HERC4: variants seen among roughly 807,000 people sequenced by gnomAD.
HERC4 encodes the protein HECT and RLD domain containing E3 ubiquitin protein ligase 4, also known as probable E3 ubiquitin-protein ligase HERC4.
In HERC4, 28 loss-of-function variants were observed where a neutral mutation model predicts 124.3. That is an observed-to-expected ratio of 0.23 (90% CI 0.17 to 0.31). HERC4 has a LOEUF of 0.31. HERC4 is among the 10% of genes least tolerant of loss of function. The pLI is 1.00. For synonymous variants in HERC4, 407 were observed against 421.5 expected (o/e 0.97, Z 0.42); for missense variants, 713 against 1,229.3 (o/e 0.58, Z 6.28).
At chr10:67,956,417 AC>A (rs1278170208) in intron 17 of HERC4, 1 of 152,570 alleles carries the variant, frequency 6.6e-6, no homozygotes, top group Non-Finnish European at 1.5e-5. Context: ...CATGTTTAAT[AC>A]CTTATTATTG....
At chr10:67,943,102 T>C (rs1254337467) in intron 19 of HERC4, among the ~76,000 whole-genome samples, 2 of 152,268 alleles carry the variant, frequency 1.3e-5, no homozygotes, top group Non-Finnish European at 1.5e-5. Flanking sequence ...CTGTGTCATA[T>C]TTGTTACATA....
chr10:68,033,803 T>C (rs1287432533), intron 6 of HERC4, among the ~76,000 whole-genome samples, 162 bp downstream of exon 6: 1 of 152,226 alleles, frequency 6.6e-6, no homozygotes, highest in Non-Finnish European at 1.5e-5. Context: ...ATATTTTGTA[T>C]CTTCCCACTG....
chr10:67,944,124 G>T (rs957882376), intron 19 of HERC4, among the ~76,000 whole-genome samples: 6 of 152,230 alleles, frequency 3.9e-5, no homozygotes, highest in Non-Finnish European at 7.3e-5. Flanking sequence ...CCAGGCAGTG[G>T]TTACCATGAG....
At chr10:68,061,868 G>A (rs1262162507) in intron 3 of HERC4, among the ~76,000 whole-genome samples, 4 of 111,302 alleles carry the variant, frequency 3.6e-5, no homozygotes, top group South Asian at 3.2e-4. Flanking sequence ...GTGACAGAGC[G>A]AGACTCCATT....
intron 16 of HERC4, 87 bp downstream of exon 16, chr10:67,966,594 CTT>C: frequency 7.7e-7 from 1 of 1,300,466 alleles, no homozygotes; most frequent in Non-Finnish European, 1.1e-6. Context: ...TCTGAAAAAA[CTT>C]TCTCATTTCA....
At chr10:68,073,776 A>T (rs2041678831) in intron 1 of HERC4, 90 bp from the exon 2 acceptor site, 1 of 152,222 alleles carries the variant, frequency 6.6e-6, no homozygotes, top group South Asian at 2.1e-4. Flanking sequence ...CCCAGAGAGA[A>T]AATGAAGATT....
intron 23 of HERC4, 50 bp downstream of exon 23, chr10:67,932,547 C>T: frequency 6.8e-7 from 1 of 1,476,342 alleles, no homozygotes; most frequent in Non-Finnish European, 9.2e-7. Flanking sequence ...GCAAGATTTC[C>T]ATATATAAAT....
intron 15 of HERC4, among the ~76,000 whole-genome samples, chr10:67,981,889 C>T (rs1361808791): frequency 2.6e-5 from 4 of 151,884 alleles, no homozygotes; most frequent in African/African-American, 7.3e-5. Flanking sequence ...TGCAGTGAGC[C>T]GAGATCAGGC....
chr10:67,980,554 A>C (rs561656216), intron 15 of HERC4, among the ~76,000 whole-genome samples: 222 of 152,336 alleles, frequency 1.5e-3, no homozygotes, highest in Non-Finnish European at 2.1e-3. Context: ...TTAATGGGCA[A>C]TAACAAATCA....
chr10:68,010,643 G>A (rs2037891207), intron 9 of HERC4: 1 of 1,445,066 alleles, frequency 6.9e-7, no homozygotes, highest in Non-Finnish European at 9.6e-7. Flanking sequence ...TTTCATTGTT[G>A]TCGGCTTCCT....
chr10:68,027,650 C>T (rs932779177), intron 7 of HERC4, among the ~76,000 whole-genome samples: 1 of 152,100 alleles, frequency 6.6e-6, no homozygotes, highest in Non-Finnish European at 1.5e-5. Context: ...GGGTGGGGCA[C>T]GGTGGCTCAC....
chr10:68,027,902 C>T (rs1383071163), intron 7 of HERC4, among the ~76,000 whole-genome samples: 1 of 150,812 alleles, frequency 6.6e-6, no homozygotes, highest in Non-Finnish European at 1.5e-5. Context: ...CCAGCCTGGG[C>T]AACACAGTGA....
Position 68,010,356 on chromosome 10 carries a change from G to A in HERC4, c.1069+3670C>T, listed in dbSNP as rs1026112458. ...ACCAAAATGGGGCCCTGAGGCCATA[G>A]GAAAGGACACTGGTGCCCCTGAGAA... On this transcript the variant is annotated intron_variant, in intron 9 of 24. Transcript: ENST00000373700. The A allele has an allele frequency of 3.4e-5, 32 of 942,952 alleles. No homozygotes were observed. In the African/African-American group the frequency reaches 5.2e-4, roughly 15 times the overall value. The allele number at this position is 942,952 out of a possible 1,614,324, so 58.4% of individuals were successfully genotyped here. A position where few individuals can be genotyped will look rare whatever the true frequency, so the allele number is the denominator to read the frequency against.
chr10:68,059,438 TATAATAATATTATATATTATA>T (rs2133706082), intron 3 of HERC4, among the ~76,000 whole-genome samples: 2 of 132,366 alleles, frequency 1.5e-5, no homozygotes, highest in East Asian at 2.1e-4. Context: ...CTCTCGCTAT[TATAATAATATTATATATTATA>T]ATAATATTAT....
At chr10:67,991,806 C>G (rs1486502037) in intron 11 of HERC4, among the ~76,000 whole-genome samples, 1 of 152,152 alleles carries the variant, frequency 6.6e-6, no homozygotes, top group Non-Finnish European at 1.5e-5. Context: ...AAAATGGCTA[C>G]ATTAAATATT....
rs137859444 is a variant in HERC4, at chr10:67,932,822, T to C, written c.2655-42A>G. The C allele has an allele frequency of 5.9e-6, 9 of 1,513,974 alleles. No individual in the cohort carries two copies. The Admixed American group carries it at 1.2e-4, about 20-fold the overall frequency. 93.8% of individuals were successfully genotyped at this position (1,513,974 alleles called of 1,614,324 possible). On this transcript the variant is annotated intron_variant, in intron 22 of 24. Transcript: ENST00000373700. Reference sequence around the variant, plus strand: ...ACACATGTACAGATTATAAAAATCATGTATGAAGAATCCATAATGTAGTCA... The same window carrying C: ...ACACATGTACAGATTATAAAAATCACGTATGAAGAATCCATAATGTAGTCA...
At chr10:68,028,263 T>A (rs74790906) in intron 7 of HERC4, among the ~76,000 whole-genome samples, 11 of 149,484 alleles carry the variant, frequency 7.4e-5, no homozygotes, top group East Asian at 2.0e-4. Flanking sequence ...AAAAAAAAAA[T>A]GAGTGTTGTC....
At chr10:68,064,379 C>G (rs1271565007) in intron 3 of HERC4, among the ~76,000 whole-genome samples, 2 of 151,770 alleles carry the variant, frequency 1.3e-5, no homozygotes, top group East Asian at 3.9e-4. Context: ...CATGGTGAAA[C>G]CCCATCTCTA....
chr10:67,959,104 C>T, intron 16 of HERC4: 1 of 1,595,924 alleles, frequency 6.3e-7, no homozygotes, highest in Non-Finnish European at 8.5e-7. Context: ...TTTATTACAC[C>T]AAACTTACCT....
Sources: allele counts gnomAD v4.1 joint callset (sites outside exome capture counted in the v4.1 genomes callset), GRCh38; gene constraint gnomAD v4.1.1; transcripts MANE v1.5; gene names NCBI Gene and HGNC (gene_info 2026-07-23, HGNC 2026-07-21).